SRFBP1: variants seen among roughly 807,000 people sequenced by gnomAD.
The protein encoded by SRFBP1 is serum response factor binding protein 1.
In SRFBP1, 47 loss-of-function variants were observed where a neutral mutation model predicts 45.5. The ratio of observed to expected loss-of-function variants is 1.03; its 90% confidence interval spans 0.82 to 1.32. The LOEUF is 1.32. SRFBP1 is among the 40% of genes most tolerant of loss of function. The pLI is 0.00. For synonymous variants in SRFBP1, 203 were observed against 166.3 expected, an observed-to-expected ratio of 1.22 and a Z score of -1.70; for missense variants, 621 against 484.6, an observed-to-expected ratio of 1.28 and a Z score of -2.64.
intron 2 of SRFBP1, among the ~76,000 whole-genome samples, chr5:122,067,286 A>G (rs6897004): frequency 0.08 from 12,191 of 151,644 alleles, 888 homozygotes; most frequent in African/African-American, 0.18. Context: ...CAATTTCCAA[A>G]CAGTAAATTC....
intron 2 of SRFBP1, among the ~76,000 whole-genome samples, chr5:122,047,230 G>A (rs902525797): frequency 2.4e-4 from 37 of 152,106 alleles, no homozygotes; most frequent in Non-Finnish European, 4.1e-4. Context: ...TGTATAAGGT[G>A]TAAGGAAGGG....
At position 121,994,688 on chromosome 5, in the gene SRFBP1, T is replaced by G; in HGVS notation, c.270+18T>G. 3 of 1,481,552 alleles carry G rather than the reference T, an allele frequency of 2.0e-6. No homozygotes were observed. The highest frequency in any genetic ancestry group is 2.7e-6 in the Non-Finnish European group (3 of 1,091,546). 91.8% of individuals were successfully genotyped at this position (1,481,552 alleles called of 1,614,324 possible). ...TCAAAAAGGTATATCTGCAATAGAT[T>G]ATATTTGTCTTATGAAAAGTTTCTC... is the stretch of plus-strand genomic sequence containing the variant. On this transcript the variant is annotated intron_variant, in intron 4 of 7. Coordinates refer to ENST00000339397, the MANE Select transcript of SRFBP1 (RefSeq NM_152546.3).
chr5:122,020,684 G>GA lies in SRFBP1; in HGVS notation c.951dup (p.Asp318ArgfsTer4). The GA allele has an allele frequency of 6.2e-7, 1 of 1,613,960 alleles. No homozygotes were observed. The highest frequency in any genetic ancestry group is 1.1e-5 in the South Asian group (1 of 91,044). ...ACCACTAGAAAAAGTGTTTCTTAAA[G>GA]AAGATACAGGTGAAACTCATGGGGA... On this transcript the variant is annotated frameshift_variant, in exon 6 of 8. Transcript: ENST00000339397. LOFTEE classifies it high-confidence loss of function.
intron 7 of SRFBP1, among the ~76,000 whole-genome samples, chr5:122,026,042 A>G (rs1411207958): frequency 6.6e-6 from 1 of 152,198 alleles, no homozygotes; most frequent in Admixed American, 6.5e-5. Context: ...GTGAGCCAAG[A>G]TCACGCCACT....
At chr5:122,055,762 A>G (rs937371045) in intron 2 of SRFBP1, among the ~76,000 whole-genome samples, 1 of 152,192 alleles carries the variant, frequency 6.6e-6, no homozygotes, top group Non-Finnish European at 1.5e-5. Flanking sequence ...TAATGGCGAC[A>G]TGTTGGAAAT....
chr5:122,031,766 G>A (rs1488190089), downstream of SRFBP1, among the ~76,000 whole-genome samples: 3 of 152,200 alleles, frequency 2.0e-5, no homozygotes, highest in African/African-American at 7.2e-5. Context: ...TGAGTGAACA[G>A]TGTGGTTTAT....
At chr5:121,969,325 T>A (rs181254937) in intron 1 of SRFBP1, among the ~76,000 whole-genome samples, 1 of 152,222 alleles carries the variant, frequency 6.6e-6, no homozygotes, top group East Asian at 1.9e-4. Context: ...AGTTGCATGA[T>A]TCATGTTGAG....
downstream of SRFBP1, chr5:122,078,252 C>T (rs1754700412): frequency 2.5e-6 from 1 of 397,032 alleles, no homozygotes; most frequent in Non-Finnish European, 4.4e-6. Flanking sequence ...GGAGAGCGGG[C>T]AGTGTCTGGA....
In SRFBP1 at chr5:122,045,344, T is replaced by C. The variant is rs139828884; in HGVS notation, n.311+22937T>C. Among the ~76,000 whole-genome samples the C allele has an allele frequency of 5.2e-3, 787 of 152,332 alleles. 20 individuals are homozygous for C. The East Asian group carries it at 0.053, about 10-fold the overall frequency. ...GATTGCCTTGGCTGTTTGGGCTCTTTTTTGGTTTCATATGAATTTTAAAAT... is the reference window on the plus strand; with the variant it reads ...GATTGCCTTGGCTGTTTGGGCTCTTCTTTGGTTTCATATGAATTTTAAAAT... On this transcript the variant is annotated intron_variant and non_coding_transcript_variant, in intron 2 of 2. Coordinates refer to the SRFBP1 transcript ENST00000504881.
At chr5:122,006,824 G>A (rs142330534) in intron 4 of SRFBP1, among the ~76,000 whole-genome samples, 7 of 152,002 alleles carry the variant, frequency 4.6e-5, no homozygotes, top group Non-Finnish European at 8.8e-5. Context: ...GTTTCTGAAT[G>A]TATTTTGAAA....
intron 1 of SRFBP1, among the ~76,000 whole-genome samples, chr5:121,962,732 AT>A (rs1365328117): frequency 1.3e-5 from 2 of 152,140 alleles, no homozygotes; most frequent in Non-Finnish European, 2.9e-5. Context: ...TCTACCACTT[AT>A]CCCCCTCTGG....
downstream of SRFBP1, chr5:122,076,908 T>A: frequency 6.2e-7 from 1 of 1,614,048 alleles, no homozygotes; most frequent in Non-Finnish European, 8.5e-7. Context: ...CAGACAGTTT[T>A]CCTCCGCCGC....
intron 2 of SRFBP1, among the ~76,000 whole-genome samples, chr5:122,071,630 TGA>T (rs1430757980): frequency 6.6e-6 from 1 of 152,226 alleles, no homozygotes; most frequent in Non-Finnish European, 1.5e-5. Context: ...GGTATATTCT[TGA>T]TTCCATTAGT....
intron 2 of SRFBP1, chr5:122,063,657 AG>A (rs1262209522): frequency 6.6e-6 from 1 of 151,950 alleles, no homozygotes; most frequent in Non-Finnish European, 1.5e-5. Flanking sequence ...TATAGAAAAA[AG>A]AGTACTTTTT....
intron 5 of SRFBP1, 123 bp from the exon 6 acceptor site, chr5:122,019,964 AT>A (rs1753268753): frequency 1.7e-6 from 1 of 582,624 alleles, no homozygotes; most frequent in Admixed American, 3.7e-5. Flanking sequence ...GAGTATATGT[AT>A]TTAATATCAA....
chr5:122,045,990 T>G (rs2112736635), intron 2 of SRFBP1, among the ~76,000 whole-genome samples: 1 of 152,282 alleles, frequency 6.6e-6, no homozygotes, highest in East Asian at 1.9e-4. Context: ...TGGCTGTGGG[T>G]TTGTCATAGA....
chr5:122,066,837 A>C, intron 2 of SRFBP1: 1 of 837,300 alleles, frequency 1.2e-6, no homozygotes, highest in East Asian at 2.4e-5. Context: ...CAACCTTTTA[A>C]AAACTTTATG....
chr5:122,059,073 C>T (rs1754130424), intron 2 of SRFBP1, among the ~76,000 whole-genome samples: 1 of 152,064 alleles, frequency 6.6e-6, no homozygotes, highest in Admixed American at 6.6e-5. Flanking sequence ...ATTGTGAAAA[C>T]CTAAACATGA....
At chr5:121,999,521 C>A (rs1052888813) in intron 4 of SRFBP1, among the ~76,000 whole-genome samples, 13 of 151,898 alleles carry the variant, frequency 8.6e-5, no homozygotes, top group African/African-American at 3.1e-4. Flanking sequence ...TTTCTGCCTA[C>A]TTTATTAAGA....
Sources: allele counts gnomAD v4.1 joint callset (sites outside exome capture counted in the v4.1 genomes callset), GRCh38; gene constraint gnomAD v4.1.1; transcripts MANE v1.5; gene names NCBI Gene and HGNC (gene_info 2026-07-23, HGNC 2026-07-21).